The following BAHCC1 variants were observed in gnomAD, a reference collection of about 807,000 sequenced individuals.
BAHCC1 encodes the protein BAH domain and coiled-coil containing 1.
A neutral mutation model predicts 88.2 loss-of-function variants in BAHCC1; 43 were observed. The ratio of observed to expected loss-of-function variants is 0.49; its 90% CI spans 0.38 to 0.63. The LOEUF is 0.63. BAHCC1 is among the 20% of genes least tolerant of loss of function. The probability of loss-of-function intolerance (pLI) is 0.00; values close to 1 mark genes in which losing one functional copy is unlikely to be tolerated. For missense variants in BAHCC1, 3,023 were observed against 1,654.8 expected (o/e 1.83, Z -14.34); for synonymous variants, 1,510 against 745.5 (o/e 2.03, Z -16.71).
intron 6 of BAHCC1, 29 bp downstream of exon 6, chr17:81,443,946 G>C (rs1568020131): frequency 1.4e-6 from 1 of 705,640 alleles, no homozygotes; most frequent in Non-Finnish European, 2.6e-6. Context: ...GCCCTGGAGA[G>C]TGGGGCTAGG....
At chr17:81,412,121 T>C (rs2063962269) in intron 2 of BAHCC1, among the ~76,000 whole-genome samples, 5 of 152,070 alleles carry the variant, frequency 3.3e-5, no homozygotes, top group African/African-American at 1.2e-4. Context: ...AGAGCCCAGC[T>C]CTGTGGTCCC....
intron 2 of BAHCC1, among the ~76,000 whole-genome samples, chr17:81,400,508 C>A (rs544764875): frequency 6.6e-6 from 1 of 152,216 alleles, no homozygotes; most frequent in Non-Finnish European, 1.5e-5. Flanking sequence ...CTCTGGTATC[C>A]CGCTAAAGCC....
chr17:81,447,829 G>C lies in BAHCC1; in HGVS notation c.3957G>C (p.Arg1319Ser), dbSNP rs184764255. ...CTGACCTGGCAATCCAGCGGCAGAG[G>C]AGTGAGAGGACTGTGCCAGGTAAGC... ...ELADLAIQRQ[R>S]SERTVPEEEE... Residue 1319 changes from arginine to serine, a missense_variant, in exon 11 of 28, where the codon AGG (arginine) becomes AGC (serine). Physicochemically the swap from Arg to Ser is moderately radical, Grantham distance 110. Coordinates refer to ENST00000675386, the MANE Select transcript of BAHCC1 (RefSeq NM_001377448.1). The C allele has an allele frequency of 3.4e-4, 250 of 740,322 alleles. 1 individual carries two copies. The African/African-American group carries it at 3.8e-3, about 11-fold the overall frequency. The allele number at this position is 740,322 out of a possible 1,614,324, so 45.9% of individuals were successfully genotyped here.
At chr17:81,431,623 T>G (rs879140818) in intron 3 of BAHCC1, among the ~76,000 whole-genome samples, 12,603 of 152,188 alleles carry the variant, frequency 0.083, 611 homozygotes, top group Middle Eastern at 0.14. Flanking sequence ...AGCCCTGGCT[T>G]GAGGTTGGGC....
chr17:81,444,254 G>A, intron 6 of BAHCC1, 127 bp from the exon 7 acceptor site: 1 of 628,866 alleles, frequency 1.6e-6, no homozygotes, highest in Non-Finnish European at 2.9e-6. Flanking sequence ...GGGTGGGACA[G>A]GGAGTCAGGC....
At chr17:81,404,152 C>G (rs992878625) in intron 2 of BAHCC1, among the ~76,000 whole-genome samples, 1 of 152,146 alleles carries the variant, frequency 6.6e-6, no homozygotes, top group African/African-American at 2.4e-5. Context: ...GCATAGGAGG[C>G]TGTTAGAATA....
chr17:81,411,240 C>A lies in BAHCC1; in HGVS notation c.178+11323C>A, dbSNP rs1029971695. The stretch of plus-strand genomic sequence containing the variant: ...AGTGGGGCCCCAGGAGGACTCGCCA[C>A]CCCCAGTTGAGCAGCTCCCCTTCTC... On this transcript the variant is annotated intron_variant, in intron 2 of 27. Transcript: ENST00000675386. The surrounding 1 kb of genome is among the most constrained non-coding windows in gnomAD (Gnocchi z 6.2). The A allele has an allele frequency of 7.9e-6, 4 of 509,044 alleles. No individual in the cohort carries two copies. The highest frequency in any genetic ancestry group is 6.0e-5 in the Admixed American group (3 of 50,050). 31.5% of individuals were successfully genotyped at this position (509,044 alleles called of 1,614,324 possible).
At chr17:81,457,733 G>T in intron 17 of BAHCC1, 141 bp downstream of exon 17, 1 of 589,120 alleles carries the variant, frequency 1.7e-6, no homozygotes, top group Admixed American at 3.0e-5. Context: ...GGGAGGGCAG[G>T]GGTTGCTGGG....
At chr17:81,412,075 TC>T (rs1156516341) in intron 2 of BAHCC1, among the ~76,000 whole-genome samples, 1 of 152,172 alleles carries the variant, frequency 6.6e-6, no homozygotes, top group African/African-American at 2.4e-5. Context: ...AGGTCCCCCG[TC>T]CCTGGCCGGT....
rs1294283639 is a variant in BAHCC1 at position 81,434,288 on chromosome 17, ATGACCCACTGCCCGCCCAGCCAGGCG to A, written c.359-4081_359-4056del. On this transcript the variant is annotated intron_variant, in intron 3 of 27. Coordinates refer to ENST00000675386, the MANE Select transcript of BAHCC1 (RefSeq NM_001377448.1). This position sits in a 1 kb window ranked among gnomAD's most constrained non-coding sequence, Gnocchi z 4.9. ...CTCGGGGCCACGCCCAGCTGACTGC[ATGACCCACTGCCCGCCCAGCCAGGCG>A]CATGTGGGAGCCGAGGTGGTACTGC... Among the ~76,000 whole-genome samples the A allele has an allele frequency of 1.3e-5, 2 of 152,146 alleles. No homozygotes were observed. Among genetic ancestry groups the A allele is most frequent in the Non-Finnish European group, 2.9e-5 (2 of 68,012 alleles).
chr17:81,442,796 C>T lies in BAHCC1; in HGVS notation c.1447C>T (p.Leu483Phe), dbSNP rs1598487516. The change falls in exon 5 of 28, where the codon CTC (leucine) becomes TTC (phenylalanine). Residue 483 changes from leucine (L) to phenylalanine (F), a missense_variant. Physicochemically the swap from Leu to Phe is conservative, Grantham distance 22. Coordinates refer to ENST00000675386, the MANE Select transcript of BAHCC1 (RefSeq NM_001377448.1). ...SAGPEASFPG[L>F]PKSGLDKSGY... is the part of the protein sequence containing the mutation. The stretch of plus-strand genomic sequence containing the variant: ...AGGCCCCGAGGCCTCCTTCCCCGGA[C>T]TCCCTAAAAGCGGTCTGGACAAAAG... The T allele has an allele frequency of 1.3e-6, 1 of 779,482 alleles. No individual in the cohort carries two copies. Among genetic ancestry groups the T allele is most frequent in the Non-Finnish European group, 2.4e-6 (1 of 417,940 alleles). The allele number at this position is 779,482 out of a possible 1,614,324, so 48.3% of individuals were successfully genotyped here.
intron 3 of BAHCC1, among the ~76,000 whole-genome samples, chr17:81,437,221 C>T (rs1319017055): frequency 6.6e-6 from 1 of 152,254 alleles, no homozygotes. Flanking sequence ...CAAACGTCTT[C>T]TCCTCAGGCC....
Position 81,447,367 on chromosome 17 carries a change from AG to A in BAHCC1, c.3500del (p.Gly1167AlafsTer166). 5.4e-6 allele frequency: 4 copies of A among 738,186 alleles called. No homozygotes were observed. The highest frequency in any genetic ancestry group is 7.5e-6 in the Non-Finnish European group (3 of 397,790). 45.7% of individuals were successfully genotyped at this position (738,186 alleles called of 1,614,324 possible). A position where few individuals can be genotyped will look rare whatever the true frequency, so the allele number is the denominator to read the frequency against. On this transcript the variant is annotated frameshift_variant, in exon 11 of 28. Transcript: ENST00000675386. LOFTEE classifies it high-confidence loss of function. ...TGCAATGTGCGGCCCTCCTGGAGGC[AG>A]GGGGCCCCGAGGCCACCGGCCAGGC... ...ELQCAALLEA[G>X]GPEATGQAHS...
intron 14 of BAHCC1, among the ~76,000 whole-genome samples, chr17:81,454,605 C>T (rs1184403844): frequency 7.3e-5 from 11 of 151,658 alleles, no homozygotes; most frequent in Middle Eastern, 3.4e-3. Context: ...GGCACGTCCT[C>T]TTCCAGCTGT....
chr17:81,421,854 G>C, intron 2 of BAHCC1: 3 of 265,102 alleles, frequency 1.1e-5, no homozygotes, highest in South Asian at 8.4e-5. Context: ...TCTCATGGTA[G>C]GCTCAGTACG....
In BAHCC1 at chr17:81,458,717, G is replaced by T; in HGVS notation, c.5440G>T (p.Gly1814Cys). ...RKLSKVKHKA[G>C]KQGKGRAVSR... ...GCTGAGCAAGGTGAAGCACAAGGCC[G>T]GCAAGCAGGTAGCAGCCCCCCACTC... The change falls in exon 19 of 28, where the codon GGC becomes TGC. Residue 1814 changes from glycine (G) to cysteine (C), a missense_variant. Physicochemically the swap from Gly to Cys is radical, Grantham distance 159 (BLOSUM62 -3). Transcript: ENST00000675386. 1.4e-6 allele frequency: 1 copy of T among 732,474 alleles called. No individual in the cohort carries two copies. The highest frequency in any genetic ancestry group is 2.6e-5 in the East Asian group (1 of 38,510). The allele number at this position is 732,474 out of a possible 1,614,324, so 45.4% of individuals were successfully genotyped here. A position where few individuals can be genotyped will look rare whatever the true frequency, so the allele number is the denominator to read the frequency against.
At position 81,458,240 on chromosome 17, in the gene BAHCC1, C is replaced by T; in HGVS notation, c.5117C>T (p.Thr1706Ile). 1.4e-6 allele frequency: 1 copy of T among 738,756 alleles called. No individual in the cohort carries two copies. Among genetic ancestry groups the T allele is most frequent in the Non-Finnish European group, 2.5e-6 (1 of 397,808 alleles). The allele number at this position is 738,756 out of a possible 1,614,324, so 45.8% of individuals were successfully genotyped here. The stretch of plus-strand genomic sequence containing the variant: ...TCGGTGAAGGCCAAGGTGGGCACCA[C>T]CCTGGAGCGGGCCCCAGGGCAGAGG... The part of the protein sequence containing the change: ...RRSVKAKVGT[T>I]LERAPGQRPP... Residue 1706 changes from threonine to isoleucine, a missense_variant, in exon 18 of 28, where the codon ACC (threonine) becomes ATC (isoleucine). Coordinates refer to ENST00000675386, the MANE Select transcript of BAHCC1 (RefSeq NM_001377448.1).
Position 81,441,910 on chromosome 17 carries a change from C to T in BAHCC1, c.561C>T (p.Ala187=), listed in dbSNP as rs1403340863. The T allele has an allele frequency of 2.9e-5, 20 of 692,998 alleles. No individual in the cohort carries two copies. Among genetic ancestry groups the T allele is most frequent in the East Asian group, 1.3e-4 (5 of 38,924 alleles). 42.9% of individuals were successfully genotyped at this position (692,998 alleles called of 1,614,324 possible). ...ANHNFPSVAR[A]APAHPMGSCS... The stretch of plus-strand genomic sequence containing the variant: ...ACAACTTCCCCAGCGTGGCCCGGGC[C>T]GCCCCTGCCCACCCCATGGGCTCCT... The change falls in exon 5 of 28, where the codon GCC becomes GCT. Residue 187 remains alanine (A), a synonymous_variant. Transcript: ENST00000675386.
chr17:81,462,472 G>A (rs1383026899), intron 26 of BAHCC1: 7 of 535,210 alleles, frequency 1.3e-5, no homozygotes, highest in Admixed American at 7.2e-5. Flanking sequence ...TGTGGTGAAC[G>A]TCTTGTCCAC....
Sources: allele counts gnomAD v4.1 joint callset (sites outside exome capture counted in the v4.1 genomes callset), GRCh38; gene constraint gnomAD v4.1.1; non-coding constraint Gnocchi (gnomAD v3.1); transcripts MANE v1.5; gene names NCBI Gene and HGNC (gene_info 2026-07-23, HGNC 2026-07-21).